ARHGEF12: variants seen among roughly 807,000 people sequenced by gnomAD.
ARHGEF12 encodes Rho guanine nucleotide exchange factor 12, also known as KMT2A/ARHGEF12 fusion protein.
ARHGEF12 carries 66 observed loss-of-function variants against 211.2 expected under a neutral mutation model. That is an observed-to-expected ratio of 0.31 (90% CI 0.26 to 0.38). The LOEUF (loss-of-function observed/expected upper bound fraction) is 0.38. Ranked by LOEUF, ARHGEF12 falls within the 10% of genes least tolerant of loss-of-function variation. The pLI is 1.00. For synonymous variants in ARHGEF12, 592 were observed against 638.4 expected (o/e 0.93, Z 1.09); for missense variants, 1,429 against 1,869.5 (o/e 0.76, Z 4.34).
rs372794084 is a variant in ARHGEF12 at position 120,479,963 on chromosome 11, G to T, written c.3770G>T (p.Gly1257Val). Residue 1257 changes from glycine (G) to valine (V), a missense_variant, in exon 38 of 41, where the codon GGT (glycine) becomes GTT (valine). By Grantham distance (109) the Gly-to-Val change is moderately radical. This residue lies in a region of ARHGEF12 where 467 missense variants were observed against 468.4 expected (regional missense o/e 1.00). Coordinates refer to ENST00000397843, the MANE Select transcript of ARHGEF12 (RefSeq NM_015313.3). The part of the protein sequence containing the change: ...RWALDALRNL[G>V]LLKQLLVQQL... ...CCCTCCTTCCTAAATCGTTTAGTGG[G>T]TTTGTTGAAGCAGTTGCTGGTGCAA... is the stretch of plus-strand genomic sequence containing the variant. 26 of 1,610,396 alleles carry T rather than the reference G, an allele frequency of 1.6e-5. No individual in the cohort carries two copies. In the East Asian group the frequency reaches 2.0e-4, roughly 12 times the overall value.
chr11:120,447,047 A>G lies in ARHGEF12; in HGVS notation c.1551A>G (p.Thr517=), dbSNP rs771365784. The change falls in exon 18 of 41, where the codon ACA becomes ACG. Residue 517 remains threonine (T), a synonymous_variant. Coordinates refer to ENST00000397843, the MANE Select transcript of ARHGEF12 (RefSeq NM_015313.3). ...GATTGACTTTGGAGAAGGAGCGGAC[A>G]TGTGCAGAACAGATTGTTGCCAAAA... The part of the protein sequence containing the change: ...KDRLTLEKER[T]CAEQIVAKIE... 1.2e-6 allele frequency: 2 copies of G among 1,614,074 alleles called. No individual in the cohort carries two copies. Among genetic ancestry groups the G allele is most frequent in the Admixed American group, 1.7e-5 (1 of 60,004 alleles).
chr11:120,460,714 A>G lies in ARHGEF12; in HGVS notation c.2570A>G (p.Glu857Gly). 6.2e-7 allele frequency: 1 copy of G among 1,613,952 alleles called. No individual in the cohort carries two copies. The highest frequency in any genetic ancestry group is 1.1e-5 in the South Asian group (1 of 91,036). Residue 857 changes from glutamate (E) to glycine (G), a missense_variant, in exon 27 of 41, where the codon GAG becomes GGG. Physicochemically the swap from Glu to Gly is moderately conservative, Grantham distance 98. Coordinates refer to ENST00000397843, the MANE Select transcript of ARHGEF12 (RefSeq NM_015313.3). ...ATGAAGGCTGTTCGAAAGAGAAATG[A>G]GACCTCTGTTATCGATCAGATTGGG... ...EQMKAVRKRNETSVIDQIGED... is the reference protein window; with the variant it reads ...EQMKAVRKRNGTSVIDQIGED...
intron 15 of ARHGEF12, among the ~76,000 whole-genome samples, chr11:120,442,425 TATACACACACAC>T (rs1442148691): frequency 6.9e-5 from 9 of 130,494 alleles, no homozygotes; most frequent in Non-Finnish European, 1.7e-5. Context: ...TATATATATA[TATACACACACAC>T]ACACACACAC....
intron 1 of ARHGEF12, among the ~76,000 whole-genome samples, chr11:120,372,766 A>G (rs1943623550): frequency 6.6e-6 from 1 of 152,110 alleles, no homozygotes; most frequent in Admixed American, 6.5e-5. Flanking sequence ...ACAACCTTGG[A>G]AAAGTTATAT....
At position 120,372,943 on chromosome 11, in the gene ARHGEF12, A is replaced by G. The variant is rs547167139; in HGVS notation, c.33-33175A>G. 2.0e-5 allele frequency among the ~76,000 whole-genome samples: 3 copies of G among 152,344 alleles called. No individual in the cohort carries two copies. The East Asian group carries it at 5.8e-4, about 29-fold the overall frequency. On this transcript the variant is annotated intron_variant, in intron 1 of 40. Transcript: ENST00000397843. ...GGAACCTACCCCTAGAATTAAAAATAAATGCACAAAATAAGCTATTAATAA... is the reference window on the plus strand; with the variant it reads ...GGAACCTACCCCTAGAATTAAAAATGAATGCACAAAATAAGCTATTAATAA...
At chr11:120,481,666 A>G (rs1591648598) in intron 39 of ARHGEF12, 90 bp downstream of exon 39, 1 of 1,283,840 alleles carries the variant, frequency 7.8e-7, no homozygotes, top group East Asian at 2.3e-5. Context: ...TGATGTCAAT[A>G]AACTTGTTCA....
intron 15 of ARHGEF12, 106 bp downstream of exon 15, chr11:120,442,308 C>A: frequency 1.4e-6 from 1 of 727,580 alleles, no homozygotes; most frequent in East Asian, 3.0e-5. Flanking sequence ...TGTGCTTTCT[C>A]ACACCTGTAT....
At chr11:120,380,415 CCA>C (rs1202404891) in intron 1 of ARHGEF12, among the ~76,000 whole-genome samples, 3 of 152,112 alleles carry the variant, frequency 2.0e-5, no homozygotes, top group African/African-American at 7.2e-5. Context: ...ATTTAGGATA[CCA>C]CATTGCCTGT....
At chr11:120,373,864 A>G (rs1375320892) in intron 1 of ARHGEF12, among the ~76,000 whole-genome samples, 3 of 152,128 alleles carry the variant, frequency 2.0e-5, no homozygotes, top group South Asian at 2.1e-4. Flanking sequence ...CTGGAGTGCA[A>G]TGGCGCGATC....
At chr11:120,357,202 G>A (rs1181688531) in intron 1 of ARHGEF12, among the ~76,000 whole-genome samples, 3 of 151,860 alleles carry the variant, frequency 2.0e-5, no homozygotes, top group South Asian at 4.2e-4. Flanking sequence ...CATGTTGGCC[G>A]TGGCTGGTTT....
intron 22 of ARHGEF12, among the ~76,000 whole-genome samples, chr11:120,452,885 C>T (rs1324818515): frequency 6.6e-6 from 1 of 151,856 alleles, no homozygotes; most frequent in Non-Finnish European, 1.5e-5. Flanking sequence ...AATCCCAGGT[C>T]CTCGGGAGGC....
chr11:120,416,734 T>C (rs941459615), intron 4 of ARHGEF12, among the ~76,000 whole-genome samples: 1 of 152,182 alleles, frequency 6.6e-6, no homozygotes, highest in Non-Finnish European at 1.5e-5. Flanking sequence ...CACTGCATCC[T>C]CTGCCTCCTG....
In ARHGEF12 at chr11:120,481,254, C is replaced by T; in HGVS notation, c.4238-6C>T. On this transcript the variant is annotated splice_polypyrimidine_tract_variant and splice_region_variant and intron_variant, in intron 38 of 40. Transcript: ENST00000397843. ...TCTTATCAAACTATTCTGTCTCTAT[C>T]CATAGGAAACTATTTGATCCTTGAT... 1 of 1,612,874 alleles carries T rather than the reference C, an allele frequency of 6.2e-7. No homozygotes were observed. Among genetic ancestry groups the T allele is most frequent in the South Asian group, 1.1e-5 (1 of 91,030 alleles).
At chr11:120,385,400 A>G in intron 1 of ARHGEF12, 3 of 985,294 alleles carry the variant, frequency 3.0e-6, no homozygotes, top group Non-Finnish European at 3.6e-6. Context: ...AGGGAGTGGT[A>G]TTTTGGTGAG....
At chr11:120,420,968 A>C (rs1426956307) in intron 5 of ARHGEF12, 117 bp downstream of exon 5, 6 of 826,682 alleles carry the variant, frequency 7.3e-6, no homozygotes, top group African/African-American at 3.4e-5. Context: ...CATGTGGACT[A>C]TTGTGCTAGA....
chr11:120,352,459 G>A (rs907024880), intron 1 of ARHGEF12, among the ~76,000 whole-genome samples: 10 of 152,154 alleles, frequency 6.6e-5, no homozygotes, highest in Non-Finnish European at 1.0e-4. Context: ...AAGAATCTGC[G>A]TGTGTTTAAG....
At chr11:120,347,166 TC>T (rs1252398278) in intron 1 of ARHGEF12, among the ~76,000 whole-genome samples, 1 of 73,270 alleles carries the variant, frequency 1.4e-5, no homozygotes, top group Non-Finnish European at 2.6e-5. Context: ...CTTCCTTCCT[TC>T]CTTCCTTCCT....
In ARHGEF12 at chr11:120,446,931, T is replaced by G; in HGVS notation, c.1452-17T>G. ...TTTTCTTTAGGCTACCTCAGGAAACTTCTCTATTCCCTTCAGGCAGAAACG... is the reference window on the plus strand; with the variant it reads ...TTTTCTTTAGGCTACCTCAGGAAACGTCTCTATTCCCTTCAGGCAGAAACG... On this transcript the variant is annotated splice_polypyrimidine_tract_variant and intron_variant, in intron 17 of 40. Coordinates refer to ENST00000397843, the MANE Select transcript of ARHGEF12 (RefSeq NM_015313.3). The G allele has an allele frequency of 6.2e-7, 1 of 1,607,106 alleles. No individual in the cohort carries two copies. The highest frequency in any genetic ancestry group is 1.1e-5 in the South Asian group (1 of 89,538).
chr11:120,429,646 A>G, intron 9 of ARHGEF12, 66 bp from the exon 10 acceptor site: 2 of 1,570,094 alleles, frequency 1.3e-6, no homozygotes, highest in Non-Finnish European at 1.7e-6. Flanking sequence ...TTGATTAAGA[A>G]TGGACTATTT....
Sources: allele counts gnomAD v4.1 joint callset (sites outside exome capture counted in the v4.1 genomes callset), GRCh38; gene constraint gnomAD v4.1.1; regional missense constraint gnomAD v4.1.1; transcripts MANE v1.5; gene names NCBI Gene and HGNC (gene_info 2026-07-23, HGNC 2026-07-21).